GPHN: variants seen among roughly 807,000 people sequenced by gnomAD.
The protein encoded by GPHN is gephyrin.
Under a neutral mutation model 95.5 loss-of-function variants are expected in GPHN, and 17 were observed. The ratio of observed to expected loss-of-function variants is 0.18; its 90% CI spans 0.12 to 0.27. The LOEUF (loss-of-function observed/expected upper bound fraction) is 0.27, where lower values mean the gene tolerates loss of function less well. Among genes scored for constraint, GPHN ranks in the 10% least tolerant of loss-of-function variants. GPHN has a pLI of 1.00. For missense variants in GPHN, 660 were observed against 978.1 expected (o/e 0.67, Z 4.34); for synonymous variants, 320 against 322.5 (o/e 0.99, Z 0.08).
rs2064916344 is a variant in GPHN, at chr14:66,897,535, TAGTTCAATATTTTGCCATTTCAA to T, written c.389+17503_389+17525del. On this transcript the variant is annotated intron_variant, in intron 5 of 22. Transcript: ENST00000478722. ...CTCTGGCAACCACTAATCTATTTTC[TAGTTCAATATTTTGCCATTTCAA>T]GAATGAATATAATTAGAACCATACA... Among the ~76,000 whole-genome samples the T allele has an allele frequency of 1.5e-4, 23 of 152,246 alleles. 1 individual carries two copies. In the South Asian group the frequency reaches 4.8e-3, roughly 32 times the overall value.
chr14:67,155,709 C>T (rs919456450), intron 18 of GPHN, among the ~76,000 whole-genome samples: 7 of 151,918 alleles, frequency 4.6e-5, no homozygotes, highest in Admixed American at 2.6e-4. Flanking sequence ...GTGAGCAAAA[C>T]GATATTTAAA....
intron 2 of GPHN, chr14:66,760,696 C>A: frequency 2.2e-6 from 1 of 447,538 alleles, no homozygotes; most frequent in South Asian, 1.8e-5. Context: ...CCAAAGCATT[C>A]CATAAAGCAG....
At chr14:67,526,782 A>G in the GPHN span, among the ~76,000 whole-genome samples, 1 of 151,990 alleles carries the variant, frequency 6.6e-6, no homozygotes, top group Non-Finnish European at 1.5e-5. Flanking sequence ...GTGCTGAGAG[A>G]TAGTCTCCAA....
At chr14:66,896,208 C>T (rs2064841990) in intron 5 of GPHN, among the ~76,000 whole-genome samples, 4 of 152,074 alleles carry the variant, frequency 2.6e-5, no homozygotes, top group Admixed American at 1.3e-4. Context: ...TAAACAAAAA[C>T]ATTTAGACAA....
chr14:67,359,841 G>T, the GPHN span: 2 of 892,408 alleles, frequency 2.2e-6, no homozygotes, highest in Non-Finnish European at 1.7e-6. Flanking sequence ...AGGCAGCAGG[G>T]ACACCCATTT....
At chr14:67,198,329 T>C in the GPHN span, 1 of 1,609,054 alleles carries the variant, frequency 6.2e-7, no homozygotes, top group East Asian at 2.2e-5. Context: ...AGGTAAATCA[T>C]ATTCAAGGCC....
chr14:67,599,784 G>T, the GPHN span, among the ~76,000 whole-genome samples: 1 of 152,340 alleles, frequency 6.6e-6, no homozygotes, highest in South Asian at 2.1e-4. Flanking sequence ...GTGAACCCAC[G>T]GAGCAGAGCA....
chr14:66,701,771 A>T (rs1468847690), intron 2 of GPHN, among the ~76,000 whole-genome samples: 1 of 152,134 alleles, frequency 6.6e-6, no homozygotes, highest in Non-Finnish European at 1.5e-5. Flanking sequence ...AAGCCTACCA[A>T]GCTCCTGGGG....
intron 1 of GPHN, among the ~76,000 whole-genome samples, chr14:66,533,537 T>C (rs1457894669): frequency 2.0e-5 from 3 of 152,212 alleles, no homozygotes; most frequent in Non-Finnish European, 4.4e-5. Context: ...TAATTTTGAC[T>C]GAATGGCTGT....
chr14:67,174,006 G>A (rs1337494025), intron 21 of GPHN, among the ~76,000 whole-genome samples: 2 of 151,936 alleles, frequency 1.3e-5, no homozygotes, highest in East Asian at 3.9e-4. Context: ...CTCTGAAGGG[G>A]AAAAAAAGAA....
rs558964062 is a variant in GPHN, at chr14:66,706,067, C to T, written c.143+24882C>T. 1.3e-4 allele frequency among the ~76,000 whole-genome samples: 20 copies of T among 152,048 alleles called. No homozygotes were observed. The South Asian group carries it at 1.9e-3, about 14-fold the overall frequency. ...ATGAATAAACTCCCATTCATAATCG[C>T]TACAAAGAATAAAATACCTAGGAAT... On this transcript the variant is annotated intron_variant, in intron 2 of 22. Transcript: ENST00000478722.
intron 17 of GPHN, among the ~76,000 whole-genome samples, chr14:67,134,856 C>G (rs1567383506): frequency 6.8e-6 from 1 of 146,396 alleles, no homozygotes; most frequent in East Asian, 2.0e-4. Context: ...CTTTCTCTTT[C>G]TCTTTCTTTT....
intron 11 of GPHN, among the ~76,000 whole-genome samples, chr14:67,080,741 C>A (rs1004939073): frequency 6.6e-6 from 1 of 152,098 alleles, no homozygotes; most frequent in Non-Finnish European, 1.5e-5. Flanking sequence ...AATTTGTATT[C>A]TTTTATCCCT....
the GPHN span, among the ~76,000 whole-genome samples, chr14:67,546,348 T>A: frequency 2.0e-5 from 3 of 152,212 alleles, no homozygotes; most frequent in African/African-American, 7.2e-5. Context: ...GGGATTTTTT[T>A]AAGACAAAGT....
chr14:67,602,807 G>T, the GPHN span, among the ~76,000 whole-genome samples: 1 of 152,238 alleles, frequency 6.6e-6, no homozygotes, highest in Non-Finnish European at 1.5e-5. Flanking sequence ...CTTCAAAATT[G>T]CAGTAATTAT....
At chr14:67,681,109 C>A in the GPHN span, among the ~76,000 whole-genome samples, 14 of 152,094 alleles carry the variant, frequency 9.2e-5, no homozygotes, top group Non-Finnish European at 2.1e-4. Context: ...TAAATGAGGT[C>A]ATCAGGGCGG....
At chr14:67,383,364 A>G in the GPHN span, 1 of 1,613,790 alleles carries the variant, frequency 6.2e-7, no homozygotes, top group South Asian at 1.1e-5. Context: ...AGGCAGATGG[A>G]GAGGCTTGAA....
intron 18 of GPHN, among the ~76,000 whole-genome samples, chr14:67,144,286 T>TATATATAC (rs1421893686): frequency 0.027 from 2,142 of 78,060 alleles, 401 homozygotes; most frequent in African/African-American, 0.11. Context: ...TATATATATA[T>TATATATAC]ACACACACAC....
chr14:66,704,337 T>C (rs190803890), intron 2 of GPHN, among the ~76,000 whole-genome samples: 46 of 151,678 alleles, frequency 3.0e-4, no homozygotes, highest in African/African-American at 1.0e-3. Context: ...TACAGAATTC[T>C]CCACCCTAAA....
Sources: gnomAD v4.1 joint callset for allele counts (sites outside exome capture counted in the v4.1 genomes callset) on GRCh38, gnomAD v4.1.1 for gene constraint, MANE v1.5 for transcripts, NCBI Gene and HGNC (gene_info 2026-07-23, HGNC 2026-07-21) for gene names.